SLC22A23: variants seen among roughly 807,000 people sequenced by gnomAD.
SLC22A23 encodes ion transporter protein.
A neutral mutation model predicts 61.0 loss-of-function variants in SLC22A23; 26 were observed. The ratio of observed to expected loss-of-function variants is 0.43; its 90% CI spans 0.31 to 0.59. SLC22A23 has a LOEUF of 0.59. SLC22A23 is among the 20% of genes least tolerant of loss of function. SLC22A23 has a pLI of 0.11. For synonymous variants in SLC22A23, 430 were observed against 413.9 expected (o/e 1.04, Z -0.47); for missense variants, 796 against 934.7 (o/e 0.85, Z 1.94).
At chr6:3,445,637 G>C (rs1173194540) in intron 1 of SLC22A23, among the ~76,000 whole-genome samples, 1 of 152,160 alleles carries the variant, frequency 6.6e-6, no homozygotes, top group East Asian at 1.9e-4. Flanking sequence ...TTGGATAAGG[G>C]GACAGCTGGT....
intron 3 of SLC22A23, among the ~76,000 whole-genome samples, chr6:3,380,580 A>T (rs1207745949): frequency 1.3e-5 from 2 of 152,110 alleles, no homozygotes; most frequent in Non-Finnish European, 2.9e-5. Flanking sequence ...CTCTCTACAA[A>T]ACTCTATACA....
intron 4 of SLC22A23, among the ~76,000 whole-genome samples, chr6:3,321,472 G>T (rs1282085126): frequency 1.3e-5 from 2 of 152,030 alleles, no homozygotes; most frequent in Non-Finnish European, 2.9e-5. Flanking sequence ...TGTATAATTT[G>T]TTTTTAAAAC....
At chr6:3,306,707 A>G (rs1489925711) in intron 4 of SLC22A23, among the ~76,000 whole-genome samples, 2 of 152,224 alleles carry the variant, frequency 1.3e-5, no homozygotes, top group African/African-American at 4.8e-5. Flanking sequence ...GGGCAGAACT[A>G]CAAGTCTCCA....
chr6:3,279,200 C>G (rs917389611), intron 9 of SLC22A23, among the ~76,000 whole-genome samples: 2 of 151,712 alleles, frequency 1.3e-5, no homozygotes, highest in Non-Finnish European at 2.9e-5. Flanking sequence ...GAGCAATTCT[C>G]TGGTTTTCTA....
At chr6:3,420,613 C>T (rs1393131989) in intron 1 of SLC22A23, among the ~76,000 whole-genome samples, 1 of 151,794 alleles carries the variant, frequency 6.6e-6, no homozygotes, top group Non-Finnish European at 1.5e-5. Context: ...ATGATTACTA[C>T]TTTACTATTA....
intron 9 of SLC22A23, among the ~76,000 whole-genome samples, chr6:3,274,802 C>T (rs1758746048): frequency 6.6e-6 from 1 of 152,066 alleles, no homozygotes; most frequent in Non-Finnish European, 1.5e-5. Context: ...GACTTGTATG[C>T]TGAAAAAGAT....
chr6:3,358,996 G>T (rs540197947), intron 3 of SLC22A23, among the ~76,000 whole-genome samples: 2 of 152,206 alleles, frequency 1.3e-5, no homozygotes, highest in African/African-American at 4.8e-5. Context: ...TGTCAGGTGC[G>T]CTGTGCCGAT....
chr6:3,415,953 C>G, intron 1 of SLC22A23, 98 bp from the exon 2 acceptor site: 1 of 815,082 alleles, frequency 1.2e-6, no homozygotes, highest in Non-Finnish European at 2.0e-6. Context: ...CAGGGACCAC[C>G]GCACCGTTGC....
intron 3 of SLC22A23, among the ~76,000 whole-genome samples, chr6:3,406,446 T>C (rs1387596212): frequency 1.3e-5 from 2 of 152,200 alleles, no homozygotes; most frequent in Non-Finnish European, 2.9e-5. Flanking sequence ...TGTACTTTCA[T>C]AAACAAATAG....
chr6:3,455,366 G>T (rs907351294), intron 1 of SLC22A23, among the ~76,000 whole-genome samples: 3 of 152,224 alleles, frequency 2.0e-5, no homozygotes, highest in Non-Finnish European at 2.9e-5. Context: ...AGGAGACACT[G>T]GGGTAGCAAA....
rs182571475 is a variant in SLC22A23 at position 3,455,017 on chromosome 6, A to G, written c.654+889T>C. On this transcript the variant is annotated intron_variant, in intron 1 of 9. Coordinates refer to ENST00000406686, the MANE Select transcript of SLC22A23 (RefSeq NM_015482.2). Reference sequence around the variant, plus strand: ...TTTAGACACAAGGAGCAAAACTACAAATGTCTTGATATCTCTTATATGTTA... The same window carrying G: ...TTTAGACACAAGGAGCAAAACTACAGATGTCTTGATATCTCTTATATGTTA... 1.7e-3 allele frequency among the ~76,000 whole-genome samples: 252 copies of G among 152,306 alleles called. 2 individuals are homozygous for G. The highest frequency in any genetic ancestry group is 6.0e-3 in the African/African-American group (248 of 41,540).
rs1426668271 is a variant in SLC22A23, at chr6:3,297,674, G to T, written c.1210+417C>A. Among the ~76,000 whole-genome samples the T allele has an allele frequency of 1.3e-5, 2 of 152,138 alleles. No homozygotes were observed. Among genetic ancestry groups the T allele is most frequent in the African/African-American group, 4.8e-5 (2 of 41,432 alleles). Reference sequence around the variant, plus strand: ...TCAGCTGCCCAACAAATAGGTCATGGCCAGGTAAAGACAATGGTGGCTCTC... The same window carrying T: ...TCAGCTGCCCAACAAATAGGTCATGTCCAGGTAAAGACAATGGTGGCTCTC... On this transcript the variant is annotated intron_variant, in intron 5 of 9. Transcript: ENST00000406686. The surrounding 1 kb of genome is among the most constrained non-coding windows in gnomAD (Gnocchi z 4.3).
At chr6:3,301,663 G>A (rs1213824712) in intron 4 of SLC22A23, among the ~76,000 whole-genome samples, 7 of 152,198 alleles carry the variant, frequency 4.6e-5, no homozygotes, top group East Asian at 3.8e-4. Flanking sequence ...CTAGGGCCAC[G>A]TACCCCAAGG....
At chr6:3,274,180 T>TA (rs1436674455) in intron 9 of SLC22A23, among the ~76,000 whole-genome samples, 1 of 152,182 alleles carries the variant, frequency 6.6e-6, no homozygotes, top group Non-Finnish European at 1.5e-5. Context: ...ACGCAAAACT[T>TA]ACAGAACCCC....
At chr6:3,348,729 C>T (rs1027606301) in intron 3 of SLC22A23, among the ~76,000 whole-genome samples, 1 of 152,212 alleles carries the variant, frequency 6.6e-6, no homozygotes, top group Non-Finnish European at 1.5e-5. Flanking sequence ...ATCCAACTAG[C>T]AAACTGTCCA....
At chr6:3,275,338 C>T (rs1301773350) in intron 9 of SLC22A23, among the ~76,000 whole-genome samples, 1 of 152,166 alleles carries the variant, frequency 6.6e-6, no homozygotes, top group Non-Finnish European at 1.5e-5. Flanking sequence ...AATCTAAGTG[C>T]TTAACTTAGC....
chr6:3,453,219 GA>G (rs1485005379), intron 1 of SLC22A23, among the ~76,000 whole-genome samples: 2 of 152,136 alleles, frequency 1.3e-5, no homozygotes, highest in South Asian at 2.1e-4. Context: ...AGAAGCTATT[GA>G]AAACACATTT....
Position 3,298,498 on chromosome 6 carries a change from AAAG to A in SLC22A23, c.1083-283_1083-281del, listed in dbSNP as rs1355251606. Among the ~76,000 whole-genome samples, 15 of 152,292 alleles carry A rather than the reference AAAG, an allele frequency of 9.8e-5. No homozygotes were observed. In the South Asian group the frequency reaches 1.0e-3, roughly 11 times the overall value. ...AAAAAAAGTGATCTCATAGAAGTAAAAAGAAGAACAGAGGATACTAGAGGCTGG... is the reference window on the plus strand; with the variant it reads ...AAAAAAAGTGATCTCATAGAAGTAAAAAGAACAGAGGATACTAGAGGCTGG... On this transcript the variant is annotated intron_variant, in intron 4 of 9. Coordinates refer to ENST00000406686, the MANE Select transcript of SLC22A23 (RefSeq NM_015482.2).
chr6:3,298,161 C>T lies in SLC22A23; in HGVS notation c.1140G>A (p.Lys380=). 6.3e-7 allele frequency: 1 copy of T among 1,592,914 alleles called. No individual in the cohort carries two copies. The highest frequency in any genetic ancestry group is 8.5e-7 in the Non-Finnish European group (1 of 1,172,156). The part of the protein sequence containing the change: ...LMATQQFESA[K]RLILHFTQKN... ...TCTGTGTGAAGTGGAGGATCAGCCT[C>T]TTTGCAGACTCAAACTGCTGGGTGG... The change falls in exon 5 of 10, where the codon AAG becomes AAA. Residue 380 remains lysine (K), a synonymous_variant. Transcript: ENST00000406686.
Sources: allele counts gnomAD v4.1 joint callset (sites outside exome capture counted in the v4.1 genomes callset), GRCh38; gene constraint gnomAD v4.1.1; non-coding constraint Gnocchi (gnomAD v3.1); transcripts MANE v1.5; gene names NCBI Gene and HGNC (gene_info 2026-07-23, HGNC 2026-07-21).